Variants in EVC2 observed in about 807,000 individuals in gnomAD.
The protein encoded by EVC2 is EvC ciliary complex subunit 2.
A neutral mutation model predicts 149.3 loss-of-function variants in EVC2; 148 were observed. The ratio of observed to expected loss-of-function variants is 0.99; its 90% CI spans 0.87 to 1.14. EVC2 has a LOEUF of 1.14. Among genes scored for constraint, EVC2 ranks in the 50% most tolerant of loss-of-function variants. The pLI is 0.00. For missense variants in EVC2, 1,854 were observed against 1,627.3 expected, an observed-to-expected ratio of 1.14 and a Z score of -2.40; for synonymous variants, 776 against 649.9, an observed-to-expected ratio of 1.19 and a Z score of -2.95.
intron 4 of EVC2, among the ~76,000 whole-genome samples, chr4:5,690,229 C>G (rs1721021750): frequency 6.6e-6 from 1 of 152,088 alleles, no homozygotes; most frequent in African/African-American, 2.4e-5. Flanking sequence ...GGAAGGCAAA[C>G]AATGTAGTTG....
chr4:5,660,289 C>T lies in EVC2; in HGVS notation c.1145+2818G>A, dbSNP rs572747793. Among the ~76,000 whole-genome samples, 293 of 152,320 alleles carry T rather than the reference C, an allele frequency of 1.9e-3. 2 individuals carry two copies. Among genetic ancestry groups the T allele is most frequent in the African/African-American group, 6.6e-3 (276 of 41,584 alleles). ...CACTTACGAGGCTCCAAGCCTGGCT[C>T]TTCACCAGGCACTCTGTGAGGAAGG... On this transcript the variant is annotated intron_variant, in intron 9 of 21. Coordinates refer to ENST00000344408, the MANE Select transcript of EVC2 (RefSeq NM_147127.5).
intron 21 of EVC2, among the ~76,000 whole-genome samples, chr4:5,546,969 T>A (rs1721633964): frequency 6.6e-6 from 1 of 152,142 alleles, no homozygotes; most frequent in African/African-American, 2.4e-5. Flanking sequence ...AACCAGGCCT[T>A]CTACTCCATG....
At chr4:5,623,663 A>G (rs952136756) in intron 13 of EVC2, among the ~76,000 whole-genome samples, 6 of 152,178 alleles carry the variant, frequency 3.9e-5, no homozygotes, top group African/African-American at 1.4e-4. Flanking sequence ...TTTAAAAAAA[A>G]TACGGTAGAA....
At chr4:5,564,062 C>T (rs1722118787) in intron 21 of EVC2, among the ~76,000 whole-genome samples, 1 of 152,088 alleles carries the variant, frequency 6.6e-6, no homozygotes, top group African/African-American at 2.4e-5. Context: ...AGGACAAGGC[C>T]ATGTCACTGG....
Position 5,622,169 on chromosome 4 carries a change from A to T in EVC2, c.2501+368T>A, listed in dbSNP as rs1375073759. 6.6e-6 allele frequency among the ~76,000 whole-genome samples: 1 copy of T among 151,794 alleles called. No homozygotes were observed. Among genetic ancestry groups the T allele is most frequent in the East Asian group, 2.0e-4 (1 of 5,118 alleles). On this transcript the variant is annotated intron_variant, in intron 14 of 21. Transcript: ENST00000344408. The surrounding 1 kb of genome is among the most constrained non-coding windows in gnomAD (Gnocchi z 5.8). ...GTGGATCATGTCCCCTCCCCAGGGG[A>T]CATTTCTTATTAGGGGAACCAGCAC...
chr4:5,593,484 G>A (rs1315330895), intron 16 of EVC2, among the ~76,000 whole-genome samples: 1 of 152,148 alleles, frequency 6.6e-6, no homozygotes, highest in Non-Finnish European at 1.5e-5. Context: ...TTTGCTGCTG[G>A]TAACATTATC....
At chr4:5,706,563 G>A (rs139714283) in intron 1 of EVC2, among the ~76,000 whole-genome samples, 2 of 152,018 alleles carry the variant, frequency 1.3e-5, no homozygotes, top group African/African-American at 4.8e-5. Context: ...ACTAACCTGT[G>A]CCTTCGGGAA....
chr4:5,653,682 G>A (rs913696057), intron 9 of EVC2, among the ~76,000 whole-genome samples: 2 of 152,210 alleles, frequency 1.3e-5, no homozygotes, highest in African/African-American at 4.8e-5. Context: ...TGTAACAAAT[G>A]TAGCATGCTA....
intron 7 of EVC2, among the ~76,000 whole-genome samples, 157 bp from the exon 8 acceptor site, chr4:5,665,806 G>A (rs910341318): frequency 6.6e-6 from 1 of 152,186 alleles, no homozygotes; most frequent in Non-Finnish European, 1.5e-5. Context: ...CTGCCTGGAG[G>A]CCCTCGCTGG....
At chr4:5,705,606 T>C (rs1327155267) in intron 1 of EVC2, among the ~76,000 whole-genome samples, 1 of 152,152 alleles carries the variant, frequency 6.6e-6, no homozygotes, top group Non-Finnish European at 1.5e-5. Context: ...GTGAGAAGAA[T>C]GGCATTTTTT....
At chr4:5,617,742 C>T (rs1435105412) in intron 15 of EVC2, among the ~76,000 whole-genome samples, 1 of 152,144 alleles carries the variant, frequency 6.6e-6, no homozygotes, top group Non-Finnish European at 1.5e-5. Flanking sequence ...GCAGAGAAAA[C>T]AGAAGTTCGA....
intron 9 of EVC2, among the ~76,000 whole-genome samples, chr4:5,641,354 T>C (rs1317841276): frequency 6.6e-6 from 1 of 152,234 alleles, no homozygotes. Context: ...GTTGATTTGT[T>C]AATTTTAACA....
At chr4:5,547,539 C>A (rs777320975) in intron 21 of EVC2, among the ~76,000 whole-genome samples, 1 of 152,196 alleles carries the variant, frequency 6.6e-6, no homozygotes, top group Non-Finnish European at 1.5e-5. Flanking sequence ...CATGGACCAA[C>A]TGGCATACAC....
intron 16 of EVC2, among the ~76,000 whole-genome samples, chr4:5,601,626 T>C (rs770197765): frequency 3.3e-5 from 5 of 151,702 alleles, no homozygotes; most frequent in African/African-American, 9.7e-5. Flanking sequence ...TTCAGGAAAA[T>C]TTCCCAGACT....
downstream of EVC2, among the ~76,000 whole-genome samples, chr4:5,560,795 G>C (rs946323667): frequency 6.6e-6 from 1 of 152,060 alleles, no homozygotes; most frequent in African/African-American, 2.4e-5. The surrounding 1 kb of genome is among the most constrained non-coding windows in gnomAD (Gnocchi z 4.1). Flanking sequence ...ACGACATTAG[G>C]ATCTTTGTTT....
chr4:5,681,214 G>A (rs376245866), intron 7 of EVC2, 46 bp downstream of exon 7: 27 of 1,603,058 alleles, frequency 1.7e-5, no homozygotes, highest in Non-Finnish European at 6.8e-6. Flanking sequence ...GACCCACACA[G>A]CACAGGTGTG....
intron 7 of EVC2, among the ~76,000 whole-genome samples, chr4:5,678,160 T>C (rs1353919598): frequency 6.6e-6 from 1 of 152,178 alleles, no homozygotes; most frequent in Non-Finnish European, 1.5e-5. Context: ...TAAGAGTGGC[T>C]CTCTGTTTTC....
chr4:5,591,036 A>C (rs1334141024), intron 16 of EVC2, among the ~76,000 whole-genome samples: 5 of 152,192 alleles, frequency 3.3e-5, no homozygotes, highest in Non-Finnish European at 7.3e-5. Context: ...ACCTCTCACT[A>C]GGTCCTTCCA....
chr4:5,643,240 G>GA (rs1163678627), intron 9 of EVC2, among the ~76,000 whole-genome samples: 2 of 152,206 alleles, frequency 1.3e-5, no homozygotes, highest in Non-Finnish European at 2.9e-5. Flanking sequence ...GCAGAGGGAT[G>GA]AAATTCCCAC....
Sources: allele counts gnomAD v4.1 joint callset (sites outside exome capture counted in the v4.1 genomes callset), GRCh38; gene constraint gnomAD v4.1.1; non-coding constraint Gnocchi (gnomAD v3.1); transcripts MANE v1.5; gene names NCBI Gene and HGNC (gene_info 2026-07-23, HGNC 2026-07-21).